Variants in LAMA5 observed in about 807,000 individuals in gnomAD.
The protein encoded by LAMA5 is laminin subunit alpha-5.
In LAMA5, 260 loss-of-function variants were observed where a neutral mutation model predicts 433.4. The ratio of observed to expected loss-of-function variants is 0.60; its 90% CI spans 0.54 to 0.66. The LOEUF (loss-of-function observed/expected upper bound fraction) is 0.66, where lower values mean the gene tolerates loss of function less well. Among genes scored for constraint, LAMA5 ranks in the 30% least tolerant of loss-of-function variants. LAMA5 has a pLI of 0.00. For synonymous variants in LAMA5, 2,620 were observed against 2,226.6 expected, an observed-to-expected ratio of 1.18 and a Z score of -4.97; for missense variants, 5,378 against 5,258.5, an observed-to-expected ratio of 1.02 and a Z score of -0.70.
intron 50 of LAMA5, 131 bp downstream of exon 50, chr20:62,320,428 T>A (rs1987555876): frequency 4.8e-6 from 3 of 624,794 alleles, no homozygotes; most frequent in African/African-American, 1.9e-5. Flanking sequence ...CCCCTAAGAC[T>A]CTCGAGCTCC....
intron 2 of LAMA5, among the ~76,000 whole-genome samples, chr20:62,354,254 C>CCCCAGG (rs1193614142): frequency 6.6e-6 from 1 of 151,956 alleles, no homozygotes; most frequent in African/African-American, 2.4e-5. Context: ...GCGGACATCT[C>CCCCAGG]CCCAGGCCCA....
At chr20:62,334,364 C>T (rs765863025) in intron 21 of LAMA5, 22 bp from the exon 22 acceptor site, 9 of 1,576,502 alleles carry the variant, frequency 5.7e-6, no homozygotes, top group Admixed American at 1.8e-5. Flanking sequence ...AGGGGCTGGT[C>T]AGGTGCAGCT....
chr20:62,316,742 G>A lies in LAMA5; in HGVS notation c.7685C>T (p.Ala2562Val). 1.2e-6 allele frequency: 2 copies of A among 1,608,600 alleles called. No individual in the cohort carries two copies. Among genetic ancestry groups the A allele is most frequent in the Non-Finnish European group, 8.5e-7 (1 of 1,177,732 alleles). Residue 2562 changes from alanine (A) to valine (V), a missense_variant, in exon 57 of 80, where the codon GCC becomes GTC. Transcript: ENST00000252999. ...TVVRQGLVDR[A>V]QQLLANSTAL... is the part of the protein sequence containing the mutation. ...AGTGCTGTTGGCCAGGAGCTGCTGG[G>A]CTCGGTCCACCAGGCCCTGCCGCAC... is the stretch of plus-strand genomic sequence containing the variant.
Position 62,309,402 on chromosome 20 carries a change from GGGGGAC to G in LAMA5, c.11016_11021del (p.Ser3673_Pro3674del). On this transcript the variant is annotated inframe_deletion, in exon 80 of 80. Coordinates refer to ENST00000252999, the MANE Select transcript of LAMA5 (RefSeq NM_005560.6). The stretch of plus-strand genomic sequence containing the variant: ...CCTCCACAGAGCGAGTCATGGCGAC[GGGGGAC>G]CGGTTCACCGCCAGCCTCCTCATGC... 6.3e-7 allele frequency: 1 copy of G among 1,587,258 alleles called. No homozygotes were observed. Among genetic ancestry groups the G allele is most frequent in the Non-Finnish European group, 8.5e-7 (1 of 1,175,312 alleles).
intron 38 of LAMA5, 30 bp downstream of exon 38, chr20:62,327,203 T>C (rs367698707): frequency 6.8e-7 from 1 of 1,469,338 alleles, no homozygotes; most frequent in Non-Finnish European, 9.0e-7. Context: ...ATCCTCAAAG[T>C]GCCTCCCCCA....
At chr20:62,353,357 T>G (rs1054264478) in intron 2 of LAMA5, 106 bp from the exon 3 acceptor site, 3 of 792,206 alleles carry the variant, frequency 3.8e-6, no homozygotes, top group Non-Finnish European at 6.0e-6. Context: ...GCAGGGGATG[T>G]GGCACCCTCG....
Position 62,353,148 on chromosome 20 carries a change from C to G in LAMA5, c.554G>C (p.Trp185Ser). The change falls in exon 3 of 80, where the codon TGG becomes TCG. Residue 185 changes from tryptophan (W) to serine (S), a missense_variant. Trp to Ser is a radical substitution (Grantham distance 177). Transcript: ENST00000252999. The part of the protein sequence containing the change: ...SMDFGRTYQP[W>S]QFFASSKRDC... ...CAGAGACTCACAGGCAAAGAACTGC[C>G]AGGGCTGGTAGGTGCGGCCGAAGTC... The G allele has an allele frequency of 1.3e-6, 2 of 1,576,004 alleles. No individual in the cohort carries two copies. The highest frequency in any genetic ancestry group is 1.7e-6 in the Non-Finnish European group (2 of 1,161,136).
In LAMA5 at chr20:62,333,195, G is replaced by C. The variant is rs200322088; in HGVS notation, c.3177C>G (p.Ala1059=). The change falls in exon 26 of 80, where the codon GCC becomes GCG. Residue 1059 remains alanine (A), a synonymous_variant. Coordinates refer to ENST00000252999, the MANE Select transcript of LAMA5 (RefSeq NM_005560.6). ...HLPLDGFPSA[A]GLEALCRQDN... Reference sequence around the variant, plus strand: ...CCTGGCGACACAGGGCCTCCAGCCCGGCGGCCGAGGGGAAGCCATCCAGGG... The same window carrying C: ...CCTGGCGACACAGGGCCTCCAGCCCCGCGGCCGAGGGGAAGCCATCCAGGG... 2.6e-6 allele frequency: 4 copies of C among 1,521,396 alleles called. No individual in the cohort carries two copies. Among genetic ancestry groups the C allele is most frequent in the Non-Finnish European group, 2.6e-6 (3 of 1,134,670 alleles). 94.2% of individuals were successfully genotyped at this position (1,521,396 alleles called of 1,614,324 possible). A position where few individuals can be genotyped will look rare whatever the true frequency, so the allele number is the denominator to read the frequency against.
At position 62,330,519 on chromosome 20, in the gene LAMA5, T is replaced by A. The variant is rs1385651869; in HGVS notation, c.3948A>T (p.Glu1316Asp). The change falls in exon 31 of 80, where the codon GAA becomes GAT. Residue 1316 changes from glutamate to aspartate, a missense_variant. Glu to Asp is a conservative substitution (Grantham distance 45). Coordinates refer to ENST00000252999, the MANE Select transcript of LAMA5 (RefSeq NM_005560.6). ...ACACGCGGCCGGCGTTGATGAGGAC[T>A]TCCACGGGGAAGGTGGGGTGGGCTG... ...YQPAHPTFPV[E>D]VLINAGRVWQ... The A allele has an allele frequency of 1.9e-6, 3 of 1,571,620 alleles. No homozygotes were observed. The highest frequency in any genetic ancestry group is 1.2e-5 in the South Asian group (1 of 85,502).
chr20:62,360,666 G>GTGGGTGGA (rs1986025003), intron 2 of LAMA5, among the ~76,000 whole-genome samples: 1 of 144,100 alleles, frequency 6.9e-6, no homozygotes, highest in African/African-American at 2.6e-5. Context: ...GGATAGATGG[G>GTGGGTGGA]TGGGTGGGTG....
At chr20:62,322,854 T>A in intron 45 of LAMA5, 96 bp from the exon 46 acceptor site, 1 of 797,846 alleles carries the variant, frequency 1.3e-6, no homozygotes, top group Non-Finnish European at 1.9e-6. Flanking sequence ...TGCCTCCTGC[T>A]GTGTCTCCTC....
chr20:62,343,698 C>G (rs1282648450), intron 11 of LAMA5, among the ~76,000 whole-genome samples: 1 of 137,258 alleles, frequency 7.3e-6, no homozygotes, highest in Non-Finnish European at 1.5e-5. Context: ...ATCACTTGAA[C>G]TCGGGGGGCA....
Position 62,318,597 on chromosome 20 carries a change from G to A in LAMA5, c.7096C>T (p.Leu2366=), listed in dbSNP as rs1473821069. ...LSSLWEENQA[L]ATQTRDRLAQ... Reference sequence around the variant, plus strand: ...AGCCGGTCGCGGGTTTGTGTGGCCAGTGCCTGGTTCTCCTCCCAGAGGCTG... The same window carrying A: ...AGCCGGTCGCGGGTTTGTGTGGCCAATGCCTGGTTCTCCTCCCAGAGGCTG... Residue 2366 remains leucine (L), a synonymous_variant, in exon 53 of 80, where the codon CTG becomes TTG. Coordinates refer to ENST00000252999, the MANE Select transcript of LAMA5 (RefSeq NM_005560.6). The A allele has an allele frequency of 3.7e-6, 6 of 1,610,922 alleles. No individual in the cohort carries two copies. Among genetic ancestry groups the A allele is most frequent in the South Asian group, 1.1e-5 (1 of 91,064 alleles).
rs1986211868 is a variant in LAMA5 at position 62,311,052 on chromosome 20, G to A, written c.10131C>T (p.Gly3377=). The A allele has an allele frequency of 1.2e-6, 2 of 1,601,806 alleles. No individual in the cohort carries two copies. The highest frequency in any genetic ancestry group is 1.7e-6 in the Non-Finnish European group (2 of 1,174,350). The change falls in exon 74 of 80, where the codon GGC becomes GGT. Residue 3377 remains glycine (G), a synonymous_variant. Coordinates refer to ENST00000252999, the MANE Select transcript of LAMA5 (RefSeq NM_005560.6). The part of the protein sequence containing the change: ...SMHVLPRSSR[G]LLLFTARLRP... Reference sequence around the variant, plus strand: ...TCAGACGGGCAGTGAAGAGGAGGAGGCCTCGGGAGCTTCGCGGGAGGACGT... The same window carrying A: ...TCAGACGGGCAGTGAAGAGGAGGAGACCTCGGGAGCTTCGCGGGAGGACGT...
intron 28 of LAMA5, among the ~76,000 whole-genome samples, chr20:62,332,162 C>A (rs548245264): frequency 6.6e-6 from 1 of 152,124 alleles, no homozygotes; most frequent in Non-Finnish European, 1.5e-5. Flanking sequence ...CTTTCCTGAG[C>A]ACATGGAACA....
chr20:62,315,259 C>T, intron 58 of LAMA5, 52 bp from the exon 59 acceptor site: 1 of 1,476,250 alleles, frequency 6.8e-7, no homozygotes, highest in Admixed American at 2.0e-5. Flanking sequence ...ACCATCCTGG[C>T]TTCATGTCCC....
Position 62,310,522 on chromosome 20 carries a change from C to T in LAMA5, c.10497G>A (p.Arg3499=), listed in dbSNP as rs530637701. 3.7e-4 allele frequency: 572 copies of T among 1,553,404 alleles called. 8 individuals carry two copies. The South Asian group carries it at 6.8e-3, about 18-fold the overall frequency. The change falls in exon 76 of 80, where the codon AGG becomes AGA. Residue 3499 remains arginine (R), a synonymous_variant. Coordinates refer to ENST00000252999, the MANE Select transcript of LAMA5 (RefSeq NM_005560.6). ...CCATCCGTGTGGGGGCCCCCAGGGG[C>T]CTCCCGTGCAGCCTCAGTCTCTTCA... The part of the protein sequence containing the change: ...GCVKRLRLHG[R]PLGAPTRMAG...
Position 62,329,801 on chromosome 20 carries a change from C to G in LAMA5, c.4095G>C (p.Val1365=). Residue 1365 remains valine (V), a synonymous_variant, in exon 32 of 80, where the codon GTG becomes GTC. Coordinates refer to ENST00000252999, the MANE Select transcript of LAMA5 (RefSeq NM_005560.6). ...THSELTVTVR[V]PKGRWLWLDY... is the part of the protein sequence containing the mutation. ...CCAGCCAGAGCCACCGGCCCTTGGG[C>G]ACACGCACGGTCACAGTGAGCTCGC... The G allele has an allele frequency of 3.1e-6, 5 of 1,612,436 alleles. No individual in the cohort carries two copies. Among genetic ancestry groups the G allele is most frequent in the Non-Finnish European group, 4.2e-6 (5 of 1,179,774 alleles).
At position 62,324,429 on chromosome 20, in the gene LAMA5, G is replaced by A. The variant is rs1206619637; in HGVS notation, c.5643+12C>T. 6.3e-7 allele frequency: 1 copy of A among 1,597,970 alleles called. No individual in the cohort carries two copies. Among genetic ancestry groups the A allele is most frequent in the Admixed American group, 1.7e-5 (1 of 59,500 alleles). On this transcript the variant is annotated intron_variant, in intron 42 of 79. Transcript: ENST00000252999. This position sits in a 1 kb window ranked among gnomAD's most constrained non-coding sequence, Gnocchi z 4.4. ...GAATGCTGCCCCCCTGGCCCCACCA[G>A]CCCCTACTCACCACACAGACGCCAG...
Sources: gnomAD v4.1 joint callset for allele counts (sites outside exome capture counted in the v4.1 genomes callset) on GRCh38, gnomAD v4.1.1 for gene constraint, Gnocchi (gnomAD v3.1) non-coding constraint, MANE v1.5 for transcripts, NCBI Gene and HGNC (gene_info 2026-07-23, HGNC 2026-07-21) for gene names.